Variants in PTPRD observed in about 807,000 individuals in gnomAD.
PTPRD encodes the protein receptor-type tyrosine-protein phosphatase delta.
In PTPRD, 34 loss-of-function variants were observed where a neutral mutation model predicts 214.5. That is an observed-to-expected ratio of 0.16 (90% confidence interval 0.12 to 0.21). The LOEUF (loss-of-function observed/expected upper bound fraction) is 0.21, where lower values mean the gene tolerates loss of function less well. Among genes scored for constraint, PTPRD ranks in the 10% least tolerant of loss-of-function variants. PTPRD has a pLI of 1.00. For missense variants in PTPRD, 2,545 were observed against 2,398.7 expected, an observed-to-expected ratio of 1.06 and a Z score of -1.27; for synonymous variants, 1,128 against 845.7, an observed-to-expected ratio of 1.33 and a Z score of -5.79.
intron 4 of PTPRD, among the ~76,000 whole-genome samples, chr9:9,943,557 G>A (rs576139945): frequency 3.9e-5 from 6 of 152,156 alleles, no homozygotes; most frequent in Non-Finnish European, 5.9e-5. Context: ...AATGAATAGC[G>A]AACATGTAAT....
At chr9:9,806,612 C>A (rs2099074836) in intron 5 of PTPRD, among the ~76,000 whole-genome samples, 1 of 152,150 alleles carries the variant, frequency 6.6e-6, no homozygotes, top group African/African-American at 2.4e-5. Context: ...TCCCACCACC[C>A]TTTACTGACT....
chr9:9,633,827 G>A (rs1411644178), intron 7 of PTPRD, among the ~76,000 whole-genome samples: 1 of 152,042 alleles, frequency 6.6e-6, no homozygotes, highest in Non-Finnish European at 1.5e-5. Flanking sequence ...TCAAAATAAT[G>A]TGTTGTCTTT....
intron 10 of PTPRD, among the ~76,000 whole-genome samples, chr9:9,108,753 G>A (rs1222063994): frequency 6.6e-6 from 1 of 152,148 alleles, no homozygotes; most frequent in Non-Finnish European, 1.5e-5. Context: ...TAAATACCAG[G>A]TGAGCAGTAA....
At chr9:8,750,187 T>C (rs929118181) in intron 11 of PTPRD, among the ~76,000 whole-genome samples, 7 of 152,052 alleles carry the variant, frequency 4.6e-5, no homozygotes, top group African/African-American at 1.7e-4. Context: ...AGACAGAGTC[T>C]CATTCTATCT....
At chr9:9,476,122 C>A (rs968331879) in intron 8 of PTPRD, among the ~76,000 whole-genome samples, 1 of 152,116 alleles carries the variant, frequency 6.6e-6, no homozygotes, top group Non-Finnish European at 1.5e-5. Context: ...AGAAAACAGG[C>A]GTAGTGATAT....
chr9:9,661,970 A>C (rs2096630354), intron 7 of PTPRD, among the ~76,000 whole-genome samples: 1 of 151,824 alleles, frequency 6.6e-6, no homozygotes, highest in African/African-American at 2.4e-5. Flanking sequence ...ATACTTCTTA[A>C]CCTTAATTTG....
At chr9:9,541,259 G>A (rs1431716195) in intron 8 of PTPRD, among the ~76,000 whole-genome samples, 2 of 151,668 alleles carry the variant, frequency 1.3e-5, no homozygotes, top group African/African-American at 4.8e-5. Context: ...TATCTTTTTG[G>A]AACACTCCCT....
intron 2 of PTPRD, among the ~76,000 whole-genome samples, chr9:10,437,778 T>G (rs1239219778): frequency 6.6e-6 from 1 of 151,340 alleles, no homozygotes; most frequent in East Asian, 2.0e-4. Flanking sequence ...TTATCAGATA[T>G]ATATATATCT....
chr9:9,377,698 T>C (rs1334523023), intron 9 of PTPRD, among the ~76,000 whole-genome samples: 2 of 151,954 alleles, frequency 1.3e-5, no homozygotes, highest in South Asian at 2.1e-4. Flanking sequence ...AGCTTAACAG[T>C]GGCCCAGTTA....
intron 3 of PTPRD, among the ~76,000 whole-genome samples, chr9:10,160,515 A>G (rs138673456): frequency 1.4e-4 from 21 of 152,118 alleles, no homozygotes; most frequent in East Asian, 1.4e-3. Context: ...AAAGCATTCA[A>G]TACAATATAA....
chr9:8,611,171 C>G (rs985774575), intron 14 of PTPRD, among the ~76,000 whole-genome samples: 1 of 152,058 alleles, frequency 6.6e-6, no homozygotes, highest in African/African-American at 2.4e-5. Context: ...TTAATGGTAT[C>G]CCCTGTAAAG....
chr9:10,184,270 G>A (rs2099317606), intron 3 of PTPRD, among the ~76,000 whole-genome samples: 2 of 151,934 alleles, frequency 1.3e-5, no homozygotes, highest in Non-Finnish European at 2.9e-5. Context: ...ACCAAAAATA[G>A]AAAAATTAGC....
chr9:9,521,145 T>G (rs1378506362), intron 8 of PTPRD, among the ~76,000 whole-genome samples: 1 of 152,232 alleles, frequency 6.6e-6, no homozygotes, highest in African/African-American at 2.4e-5. Flanking sequence ...GTTCTCTGGC[T>G]GCTTGAGAGG....
chr9:9,740,519 G>A (rs1162495216), intron 6 of PTPRD, among the ~76,000 whole-genome samples: 10 of 104,558 alleles, frequency 9.6e-5, no homozygotes, highest in Admixed American at 8.1e-4. Flanking sequence ...CACCACGCCC[G>A]GCTAATTTTT....
At chr9:8,433,127 C>A (rs988328992) in intron 35 of PTPRD, among the ~76,000 whole-genome samples, 1 of 152,126 alleles carries the variant, frequency 6.6e-6, no homozygotes, top group African/African-American at 2.4e-5. Context: ...CCACAACAAA[C>A]CACAAATAAG....
At chr9:8,653,969 T>C (rs1014488655) in intron 12 of PTPRD, among the ~76,000 whole-genome samples, 4 of 152,198 alleles carry the variant, frequency 2.6e-5, no homozygotes, top group Non-Finnish European at 4.4e-5. Context: ...CTTTAACAGC[T>C]ACTTCCCCTT....
At chr9:9,148,391 C>G (rs1327944593) in intron 10 of PTPRD, among the ~76,000 whole-genome samples, 2 of 151,856 alleles carry the variant, frequency 1.3e-5, no homozygotes, top group Admixed American at 6.6e-5. Flanking sequence ...AGTTAAAAAC[C>G]CAACCTGTAA....
chr9:8,905,582 T>C (rs1299184796), intron 11 of PTPRD, among the ~76,000 whole-genome samples: 1 of 151,656 alleles, frequency 6.6e-6, no homozygotes, highest in Non-Finnish European at 1.5e-5. Flanking sequence ...CTACTAAAAA[T>C]ACAAAAATTA....
intron 2 of PTPRD, among the ~76,000 whole-genome samples, chr9:10,419,008 A>G (rs1200456860): frequency 6.6e-6 from 1 of 151,834 alleles, no homozygotes; most frequent in African/African-American, 2.4e-5. Context: ...TGGGCAATTT[A>G]GGACTTAGCA....
Sources: gnomAD v4.1 joint callset for allele counts (sites outside exome capture counted in the v4.1 genomes callset) on GRCh38, gnomAD v4.1.1 for gene constraint, MANE v1.5 for transcripts, NCBI Gene and HGNC (gene_info 2026-07-23, HGNC 2026-07-21) for gene names.